CNTNAP2: variants seen among roughly 807,000 people sequenced by gnomAD.
The protein encoded by CNTNAP2 is contactin-associated protein-like 2.
In CNTNAP2, 98 loss-of-function variants were observed where a neutral mutation model predicts 155.2. The ratio of observed to expected loss-of-function variants is 0.63; its 90% CI spans 0.54 to 0.75. The LOEUF (loss-of-function observed/expected upper bound fraction) is 0.75, where lower values mean the gene tolerates loss of function less well. Ranked by LOEUF, CNTNAP2 falls within the 30% of genes least tolerant of loss-of-function variation. CNTNAP2 has a pLI of 0.00. For synonymous variants in CNTNAP2, 651 were observed against 631.2 expected, an observed-to-expected ratio of 1.03 and a Z score of -0.47; for missense variants, 1,727 against 1,688.1, an observed-to-expected ratio of 1.02 and a Z score of -0.40.
At chr7:146,750,834 AT>A (rs1436640058) in intron 1 of CNTNAP2, among the ~76,000 whole-genome samples, 1 of 152,154 alleles carries the variant, frequency 6.6e-6, no homozygotes, top group South Asian at 2.1e-4. Flanking sequence ...AATAGCAAAA[AT>A]TTTACTACTT....
intron 8 of CNTNAP2, among the ~76,000 whole-genome samples, chr7:147,285,741 T>C (rs1805161403): frequency 6.6e-6 from 1 of 152,172 alleles, no homozygotes; most frequent in African/African-American, 2.4e-5. Flanking sequence ...CAAGGTGCTC[T>C]GTAATCATTC....
At chr7:146,248,881 C>T (rs1274377131) in intron 1 of CNTNAP2, among the ~76,000 whole-genome samples, 1 of 152,086 alleles carries the variant, frequency 6.6e-6, no homozygotes, top group Non-Finnish European at 1.5e-5. Context: ...TTTTAATCAC[C>T]TGGGTGCAGG....
chr7:146,853,041 G>T (rs995787027), intron 3 of CNTNAP2, among the ~76,000 whole-genome samples: 1 of 152,120 alleles, frequency 6.6e-6, no homozygotes. Flanking sequence ...AGTCATTCAG[G>T]CTCTTTACAT....
intron 2 of CNTNAP2, among the ~76,000 whole-genome samples, chr7:146,820,071 T>C (rs1325839442): frequency 6.6e-6 from 1 of 152,200 alleles, no homozygotes; most frequent in Non-Finnish European, 1.5e-5. Context: ...GCTAAATAGA[T>C]ATTTCGAGCA....
chr7:146,935,896 C>G (rs1424524916), intron 3 of CNTNAP2, among the ~76,000 whole-genome samples: 4 of 152,158 alleles, frequency 2.6e-5, no homozygotes, highest in African/African-American at 7.2e-5. Flanking sequence ...ACCATACTTT[C>G]AACTCTTGGT....
chr7:146,601,948 T>TA (rs540715988), intron 1 of CNTNAP2, among the ~76,000 whole-genome samples: 55 of 151,268 alleles, frequency 3.6e-4, no homozygotes, highest in Non-Finnish European at 6.1e-4. Context: ...TTAAAGAAAG[T>TA]AAAAAAAATA....
chr7:146,455,642 G>A (rs962206112), intron 1 of CNTNAP2, among the ~76,000 whole-genome samples: 4 of 152,100 alleles, frequency 2.6e-5, no homozygotes, highest in Non-Finnish European at 5.9e-5. Context: ...ATGTTGAAAG[G>A]GAGAAACCAC....
intron 3 of CNTNAP2, among the ~76,000 whole-genome samples, chr7:147,040,156 C>T (rs1367319323): frequency 6.6e-6 from 1 of 152,070 alleles, no homozygotes. Flanking sequence ...TGAACAGACA[C>T]TTTTCAAAAG....
intron 3 of CNTNAP2, among the ~76,000 whole-genome samples, chr7:147,018,880 G>C (rs1273563426): frequency 5.3e-5 from 8 of 151,944 alleles, no homozygotes; most frequent in Admixed American, 5.3e-4. Context: ...ACCTTATCTT[G>C]AGAATAACAA....
intron 14 of CNTNAP2, among the ~76,000 whole-genome samples, chr7:147,966,994 A>G (rs183015634): frequency 3.3e-5 from 5 of 152,228 alleles, no homozygotes; most frequent in South Asian, 4.2e-4. Context: ...TAATTTTAAA[A>G]GAATACTGGG....
intron 1 of CNTNAP2, among the ~76,000 whole-genome samples, chr7:146,439,757 A>C (rs1047254852): frequency 3.3e-5 from 5 of 151,578 alleles, no homozygotes; most frequent in Non-Finnish European, 7.3e-5. Flanking sequence ...AGGTACTTAA[A>C]AAAACACCTT....
At chr7:146,217,274 G>A (rs1417514036) in intron 1 of CNTNAP2, among the ~76,000 whole-genome samples, 4 of 152,190 alleles carry the variant, frequency 2.6e-5, no homozygotes, top group Non-Finnish European at 5.9e-5. Context: ...CTGAACATAT[G>A]TACTGTTTCA....
At chr7:147,518,178 C>T (rs368954523) in intron 11 of CNTNAP2, among the ~76,000 whole-genome samples, 5 of 152,220 alleles carry the variant, frequency 3.3e-5, no homozygotes, top group South Asian at 2.1e-4. Flanking sequence ...CATATACCTG[C>T]GGTGTATCAT....
chr7:147,965,390 T>C (rs1485419476), intron 14 of CNTNAP2, among the ~76,000 whole-genome samples: 2 of 146,744 alleles, frequency 1.4e-5, no homozygotes, highest in African/African-American at 4.9e-5. Context: ...CCCTATTGCT[T>C]CTTCCATTTC....
intron 8 of CNTNAP2, among the ~76,000 whole-genome samples, chr7:147,143,092 G>A (rs558831222): frequency 5.4e-4 from 82 of 151,980 alleles, no homozygotes; most frequent in African/African-American, 1.8e-3. Flanking sequence ...TACTCCTAAC[G>A]CCACTCATGT....
At chr7:147,580,604 GT>G (rs1800481073) in intron 12 of CNTNAP2, among the ~76,000 whole-genome samples, 1 of 142,404 alleles carries the variant, frequency 7.0e-6, no homozygotes, top group Admixed American at 7.5e-5. Flanking sequence ...TGTTGATCTT[GT>G]TTTTTACATT....
rs1292037261 is a variant in CNTNAP2, at chr7:146,201,854, A to T, written c.97+84881A>T. On this transcript the variant is annotated intron_variant, in intron 1 of 23. Transcript: ENST00000361727. The stretch of plus-strand genomic sequence containing the variant: ...TGTCAACTTCATAATATGCCAAGTT[A>T]GAGAAACACACAATAAAATAACATC... Among the ~76,000 whole-genome samples, 2 of 152,192 alleles carry T rather than the reference A, an allele frequency of 1.3e-5. 1 individual carries two copies. The highest frequency in any genetic ancestry group is 2.9e-5 in the Non-Finnish European group (2 of 68,034).
intron 13 of CNTNAP2, among the ~76,000 whole-genome samples, chr7:147,818,159 C>G (rs569978047): frequency 6.6e-6 from 1 of 151,776 alleles, no homozygotes; most frequent in African/African-American, 2.4e-5. Context: ...TGTGATGGTA[C>G]GAGTAGGCAT....
rs75580135 is a variant in CNTNAP2, at chr7:147,054,898, A to G, written c.550+10844A>G. ...CAGATTTTCAATTTGAGATTTTTAT[A>G]TTTTCTATGCTTCTAAATGAAGCAT... On this transcript the variant is annotated intron_variant, in intron 4 of 23. Transcript: ENST00000361727. Among the ~76,000 whole-genome samples, 805 of 152,178 alleles carry G rather than the reference A, an allele frequency of 5.3e-3. 3 individuals carry two copies. Among genetic ancestry groups the G allele is most frequent in the African/African-American group, 0.019 (779 of 41,526 alleles).
Sources: gnomAD v4.1 joint callset for allele counts (sites outside exome capture counted in the v4.1 genomes callset) on GRCh38, gnomAD v4.1.1 for gene constraint, MANE v1.5 for transcripts, NCBI Gene and HGNC (gene_info 2026-07-23, HGNC 2026-07-21) for gene names.